Variants in SNX8 observed in about 807,000 individuals in gnomAD.
SNX8 encodes sorting nexin 8, also known as sorting nexin-8.
In SNX8, 25 loss-of-function variants were observed where a neutral mutation model predicts 51.6. The ratio of observed to expected loss-of-function variants is 0.48; its 90% confidence interval spans 0.35 to 0.68. SNX8 has a LOEUF of 0.68. Among genes scored for constraint, SNX8 ranks in the 30% least tolerant of loss-of-function variants. SNX8 has a pLI of 0.00. For synonymous variants in SNX8, 324 were observed against 277.0 expected (o/e 1.17, Z -1.68); for missense variants, 695 against 624.0 (o/e 1.11, Z -1.21).
At chr7:2,319,554 G>T (rs912689761) in intron 1 of SNX8, among the ~76,000 whole-genome samples, 4 of 152,058 alleles carry the variant, frequency 2.6e-5, no homozygotes, top group Non-Finnish European at 4.4e-5. Context: ...GGTGGCTCAC[G>T]CCTGTAATCC....
chr7:2,267,033 G>A (rs1028445134), intron 5 of SNX8, among the ~76,000 whole-genome samples: 3 of 152,234 alleles, frequency 2.0e-5, no homozygotes, highest in Non-Finnish European at 4.4e-5. Flanking sequence ...GGGCCTGAGG[G>A]CAGAGCTCAG....
intron 1 of SNX8, among the ~76,000 whole-genome samples, chr7:2,352,068 T>G (rs1243547955): frequency 1.3e-5 from 2 of 151,714 alleles, no homozygotes; most frequent in East Asian, 3.9e-4. Context: ...CCACCATGCC[T>G]GGCTAATTTT....
In SNX8 at chr7:2,293,720, T is replaced by C. The variant is rs190236315; in HGVS notation, c.95-15415A>G. Among the ~76,000 whole-genome samples the C allele has an allele frequency of 5.2e-3, 779 of 151,104 alleles. 3 individuals carry two copies. The highest frequency in any genetic ancestry group is 0.017 in the Middle Eastern group (5 of 286). On this transcript the variant is annotated intron_variant, in intron 1 of 10. Transcript: ENST00000222990. The stretch of plus-strand genomic sequence containing the variant: ...TGGCTCACGCCTGTAATCCCAGCAC[T>C]TTGGGAGGCTGAGGCGGGCGGATCA...
chr7:2,320,368 T>G (rs371430073), intron 1 of SNX8, among the ~76,000 whole-genome samples: 1 of 152,116 alleles, frequency 6.6e-6, no homozygotes, highest in South Asian at 2.1e-4. Flanking sequence ...CTGCTCTAAG[T>G]TGAAAAGTTT....
chr7:2,328,787 T>G (rs199831576), intron 1 of SNX8, among the ~76,000 whole-genome samples: 6 of 145,000 alleles, frequency 4.1e-5, no homozygotes, highest in African/African-American at 1.6e-4. Flanking sequence ...CTGTCTCTAC[T>G]AAAAATACCA....
intron 1 of SNX8, among the ~76,000 whole-genome samples, chr7:2,300,996 C>A (rs1277688683): frequency 6.6e-6 from 1 of 152,156 alleles, no homozygotes; most frequent in East Asian, 1.9e-4. Context: ...CATTCTCCCA[C>A]AAAATGACTT....
At chr7:2,269,282 G>A (rs138311884) in intron 5 of SNX8, among the ~76,000 whole-genome samples, 4,381 of 151,322 alleles carry the variant, frequency 0.029, 207 homozygotes, top group African/African-American at 0.1. Context: ...GGGCGGTGCA[G>A]GATGTGCTTT....
At chr7:2,275,279 C>A in intron 2 of SNX8, 50 bp from the exon 3 acceptor site, 3 of 1,247,492 alleles carry the variant, frequency 2.4e-6, no homozygotes, top group Non-Finnish European at 3.5e-6. Context: ...ACTATGCTGT[C>A]GCGTCACTTC....
chr7:2,263,247 C>T lies in SNX8; in HGVS notation c.898G>A (p.Asp300Asn), dbSNP rs770286135. The T allele has an allele frequency of 2.3e-5, 37 of 1,613,894 alleles. No homozygotes were observed. Among genetic ancestry groups the T allele is most frequent in the Non-Finnish European group, 2.9e-5 (34 of 1,180,004 alleles). The change falls in exon 7 of 11, where the codon GAC becomes AAC. Residue 300 changes from aspartate (D) to asparagine (N), a missense_variant. Physicochemically the swap from Asp to Asn is conservative, Grantham distance 23. Transcript: ENST00000222990. ...CCACTCACCTGTTGTGCAGCCTTGT[C>T]GGCGAGCAGCGCGAATTCCACAGAC... ...GLSVEFALLA[D>N]KAAQQGKQEE...
chr7:2,323,087 T>G (rs1234529797), intron 1 of SNX8, among the ~76,000 whole-genome samples: 3 of 152,066 alleles, frequency 2.0e-5, no homozygotes, highest in African/African-American at 7.2e-5. Context: ...CCCAGCACTT[T>G]GGGAGGCCAA....
At chr7:2,340,674 T>C (rs1033150123) in intron 1 of SNX8, among the ~76,000 whole-genome samples, 2 of 150,310 alleles carry the variant, frequency 1.3e-5, no homozygotes, top group Admixed American at 6.7e-5. Flanking sequence ...CTGGCCAATA[T>C]AGTGAAACCC....
intron 1 of SNX8, among the ~76,000 whole-genome samples, chr7:2,352,818 A>G (rs1583134420): frequency 6.6e-6 from 1 of 152,066 alleles, no homozygotes; most frequent in Admixed American, 6.6e-5. Flanking sequence ...CCTAGGCGAC[A>G]GAGCAACACT....
chr7:2,306,820 C>G (rs550682887), intron 1 of SNX8, among the ~76,000 whole-genome samples: 1 of 152,118 alleles, frequency 6.6e-6, no homozygotes, highest in Non-Finnish European at 1.5e-5. Context: ...ACAACAACAG[C>G]GCATTACTGG....
rs765696262 is a variant in SNX8 at position 2,257,316 on chromosome 7, C to CGG, written c.1134+47_1134+48dup. On this transcript the variant is annotated intron_variant, in intron 9 of 10. Coordinates refer to ENST00000222990, the MANE Select transcript of SNX8 (RefSeq NM_013321.4). ...GGACGGCTCCGGGTCCCACCATGGC[C>CGG]GGGAGGGGAAAGGCTCCCACGGGCC... 1.9e-6 allele frequency: 3 copies of CGG among 1,574,258 alleles called. No individual in the cohort carries two copies. In the South Asian group the frequency reaches 3.4e-5, roughly 18 times the overall value.
intron 1 of SNX8, among the ~76,000 whole-genome samples, chr7:2,329,456 G>C (rs978547161): frequency 6.6e-6 from 1 of 152,040 alleles, no homozygotes; most frequent in Non-Finnish European, 1.5e-5. Context: ...TTTTTCGTGC[G>C]GGGGCTCTTG....
chr7:2,278,697 G>A (rs1358101747), intron 1 of SNX8, among the ~76,000 whole-genome samples: 2 of 115,836 alleles, frequency 1.7e-5, no homozygotes, highest in East Asian at 2.6e-4. Flanking sequence ...CGGAGTCGAC[G>A]CCGGACTCAC....
At chr7:2,336,782 A>G (rs970067043) in intron 1 of SNX8, among the ~76,000 whole-genome samples, 1 of 152,060 alleles carries the variant, frequency 6.6e-6, no homozygotes, top group East Asian at 1.9e-4. Flanking sequence ...CAAGGAGGGC[A>G]GATCATTTGA....
At chr7:2,347,104 T>C (rs1386559032) in intron 1 of SNX8, among the ~76,000 whole-genome samples, 1 of 151,856 alleles carries the variant, frequency 6.6e-6, no homozygotes, top group Non-Finnish European at 1.5e-5. Context: ...GTAGGAGAAT[T>C]ACTTGAGGCC....
intron 1 of SNX8, among the ~76,000 whole-genome samples, chr7:2,291,281 C>G (rs2115167069): frequency 6.6e-6 from 1 of 151,562 alleles, no homozygotes; most frequent in South Asian, 2.1e-4. Flanking sequence ...GCCTGGGGAG[C>G]AGAAGACACC....
Sources: allele counts gnomAD v4.1 joint callset (sites outside exome capture counted in the v4.1 genomes callset), GRCh38; gene constraint gnomAD v4.1.1; transcripts MANE v1.5; gene names NCBI Gene and HGNC (gene_info 2026-07-23, HGNC 2026-07-21).